The following FSTL5 variants were observed in gnomAD, a reference collection of about 807,000 sequenced individuals.
FSTL5 encodes follistatin-related protein 5.
In FSTL5, 62 loss-of-function variants were observed where a neutral mutation model predicts 89.1. That is an observed-to-expected ratio of 0.70 (90% CI 0.57 to 0.86). The LOEUF is 0.86. FSTL5 is among the 40% of genes least tolerant of loss of function. The probability of loss-of-function intolerance (pLI) is 0.00; values close to 1 mark genes in which losing one functional copy is unlikely to be tolerated. For missense variants in FSTL5, 1,057 were observed against 1,001.6 expected (o/e 1.06, Z -0.75); for synonymous variants, 383 against 346.2 (o/e 1.11, Z -1.18).
chr4:162,145,205 G>A (rs560820376), intron 1 of FSTL5, among the ~76,000 whole-genome samples: 2 of 151,882 alleles, frequency 1.3e-5, no homozygotes, highest in East Asian at 3.9e-4. Context: ...TATAAAATAT[G>A]AGAATTTATT....
At chr4:161,500,572 G>C (rs187082592) in intron 11 of FSTL5, among the ~76,000 whole-genome samples, 1 of 152,022 alleles carries the variant, frequency 6.6e-6, no homozygotes, top group East Asian at 1.9e-4. Context: ...TTTATATAAA[G>C]ATTTTTAGGA....
At chr4:162,048,227 T>C (rs545580136) in intron 2 of FSTL5, among the ~76,000 whole-genome samples, 14 of 152,088 alleles carry the variant, frequency 9.2e-5, no homozygotes, top group Admixed American at 9.2e-4. Flanking sequence ...CTGGGGAGGC[T>C]GAGGCAGGAG....
intron 4 of FSTL5, among the ~76,000 whole-genome samples, chr4:161,811,488 AC>A (rs1730145170): frequency 6.6e-6 from 1 of 152,116 alleles, no homozygotes; most frequent in African/African-American, 2.4e-5. Flanking sequence ...TCCCTCACTA[AC>A]CTTTCACTGA....
chr4:161,812,788 G>C (rs897008136), intron 4 of FSTL5, among the ~76,000 whole-genome samples: 1 of 135,790 alleles, frequency 7.4e-6, no homozygotes, highest in African/African-American at 2.7e-5. Flanking sequence ...CCCATTCTGA[G>C]ACCTTGATTA....
intron 8 of FSTL5, among the ~76,000 whole-genome samples, chr4:161,586,591 C>T (rs1425587929): frequency 6.6e-6 from 1 of 152,198 alleles, no homozygotes; most frequent in Non-Finnish European, 1.5e-5. Flanking sequence ...CTTACTTGGA[C>T]ACTAAAATAG....
intron 4 of FSTL5, among the ~76,000 whole-genome samples, chr4:161,871,757 A>G (rs1732269325): frequency 1.3e-5 from 2 of 152,174 alleles, no homozygotes; most frequent in Admixed American, 1.3e-4. Flanking sequence ...TATTGAAGCT[A>G]TGAGTAAGCA....
At chr4:161,627,663 A>G (rs928476989) in intron 7 of FSTL5, among the ~76,000 whole-genome samples, 1 of 152,206 alleles carries the variant, frequency 6.6e-6, no homozygotes, top group Non-Finnish European at 1.5e-5. Context: ...ATAATTCACC[A>G]TATATTTATA....
intron 6 of FSTL5, among the ~76,000 whole-genome samples, chr4:161,716,206 T>C (rs888647032): frequency 1.6e-4 from 24 of 152,148 alleles, no homozygotes; most frequent in African/African-American, 5.3e-4. Flanking sequence ...TGCTGTCTCC[T>C]CCTCAACATC....
chr4:161,392,324 C>A (rs1213443960), intron 15 of FSTL5, among the ~76,000 whole-genome samples: 1 of 151,776 alleles, frequency 6.6e-6, no homozygotes, highest in East Asian at 1.9e-4. Context: ...GACTCCTGGG[C>A]TCAAGGGAAT....
At chr4:161,683,100 A>G (rs1737584230) in intron 6 of FSTL5, among the ~76,000 whole-genome samples, 1 of 152,206 alleles carries the variant, frequency 6.6e-6, no homozygotes, top group South Asian at 2.1e-4. Flanking sequence ...AATGAAAAGT[A>G]TAGTAAATAC....
At chr4:162,162,372 A>G (rs1288475773) in intron 1 of FSTL5, among the ~76,000 whole-genome samples, 2 of 152,124 alleles carry the variant, frequency 1.3e-5, no homozygotes, top group Admixed American at 6.6e-5. Flanking sequence ...ACAGCTTTAT[A>G]TTTAACTCAT....
chr4:162,139,136 A>G (rs1220470184), intron 1 of FSTL5, among the ~76,000 whole-genome samples: 2 of 151,996 alleles, frequency 1.3e-5, no homozygotes, highest in Non-Finnish European at 2.9e-5. Context: ...TATTACATGA[A>G]TATAATGTGT....
intron 6 of FSTL5, among the ~76,000 whole-genome samples, chr4:161,689,953 C>T (rs980472378): frequency 6.6e-6 from 1 of 152,066 alleles, no homozygotes; most frequent in Non-Finnish European, 1.5e-5. Context: ...CGAGATTCAT[C>T]CAAGTTGTAA....
chr4:162,094,164 A>C (rs1730658725), intron 2 of FSTL5, among the ~76,000 whole-genome samples: 1 of 152,238 alleles, frequency 6.6e-6, no homozygotes, highest in South Asian at 2.1e-4. Context: ...CGAGGGAGGC[A>C]GATCACAAAG....
chr4:161,944,735 A>C (rs554590939), intron 3 of FSTL5, among the ~76,000 whole-genome samples: 3 of 151,886 alleles, frequency 2.0e-5, no homozygotes, highest in Non-Finnish European at 2.9e-5. Flanking sequence ...AATACCTCTT[A>C]AGGTAAGACA....
intron 1 of FSTL5, among the ~76,000 whole-genome samples, chr4:162,163,196 A>G (rs770587278): frequency 2.6e-5 from 4 of 152,148 alleles, no homozygotes; most frequent in Non-Finnish European, 4.4e-5. Flanking sequence ...AGTCCATTCA[A>G]ATAATTATTT....
intron 2 of FSTL5, among the ~76,000 whole-genome samples, chr4:162,094,597 A>G (rs528198272): frequency 7.2e-5 from 11 of 152,290 alleles, no homozygotes; most frequent in African/African-American, 2.4e-4. Context: ...AAATAAAAAT[A>G]AAAACAACAG....
chr4:161,619,182 A>C (rs1735011879), intron 7 of FSTL5, among the ~76,000 whole-genome samples: 2 of 152,202 alleles, frequency 1.3e-5, no homozygotes, highest in African/African-American at 4.8e-5. Context: ...CTTATACAAA[A>C]ATTAATTCAA....
chr4:162,114,559 CACACACACAT>C (rs1189692535), intron 1 of FSTL5, among the ~76,000 whole-genome samples: 42 of 106,466 alleles, frequency 3.9e-4, no homozygotes, highest in African/African-American at 1.2e-3. Flanking sequence ...CACACACACA[CACACACACAT>C]ATTCTATATG....
Sources: gnomAD v4.1 joint callset for allele counts (sites outside exome capture counted in the v4.1 genomes callset) on GRCh38, gnomAD v4.1.1 for gene constraint, MANE v1.5 for transcripts, NCBI Gene and HGNC (gene_info 2026-07-23, HGNC 2026-07-21) for gene names.